GSE1: variants seen among roughly 807,000 people sequenced by gnomAD.
The protein encoded by GSE1 is genetic suppressor element 1.
A neutral mutation model predicts 112.6 loss-of-function variants in GSE1; 32 were observed. The ratio of observed to expected loss-of-function variants is 0.28; its 90% CI spans 0.21 to 0.38. GSE1 has a LOEUF of 0.38. GSE1 is among the 10% of genes least tolerant of loss of function. The pLI is 1.00. For synonymous variants in GSE1, 1,115 were observed against 735.6 expected (o/e 1.52, Z -8.35); for missense variants, 2,348 against 1,699.2 (o/e 1.38, Z -6.71).
At chr16:85,542,396 G>T (rs2044551553) in intron 2 of GSE1, among the ~76,000 whole-genome samples, 1 of 152,214 alleles carries the variant, frequency 6.6e-6, no homozygotes, top group Non-Finnish European at 1.5e-5. Flanking sequence ...GAGACTGAAG[G>T]CCAGAGCCAC....
intron 2 of GSE1, among the ~76,000 whole-genome samples, chr16:85,424,075 C>T (rs529656570): frequency 6.6e-6 from 1 of 152,370 alleles, no homozygotes; most frequent in Admixed American, 6.5e-5. Flanking sequence ...CCTCAGGATG[C>T]TCTTTGGAGC....
chr16:85,558,228 T>G (rs1470636744), intron 1 of GSE1, among the ~76,000 whole-genome samples: 1 of 152,226 alleles, frequency 6.6e-6, no homozygotes, highest in Non-Finnish European at 1.5e-5. Flanking sequence ...AAACAGATCC[T>G]CATGCTGTAT....
chr16:85,418,009 T>A (rs1171802572), intron 2 of GSE1, among the ~76,000 whole-genome samples: 1 of 152,148 alleles, frequency 6.6e-6, no homozygotes, highest in African/African-American at 2.4e-5. Flanking sequence ...CAGCTAATTT[T>A]TGTATTTTTA....
chr16:85,444,943 C>T (rs2049471892), intron 2 of GSE1, among the ~76,000 whole-genome samples: 1 of 152,226 alleles, frequency 6.6e-6, no homozygotes, highest in African/African-American at 2.4e-5. Flanking sequence ...CCCCACTGCC[C>T]ACGTTGTCAC....
Position 85,181,473 on chromosome 16 carries a change from G to C in GSE1, c.2283+9666G>C, listed in dbSNP as rs9319459. Among the ~76,000 whole-genome samples, 1,162 of 152,316 alleles carry C rather than the reference G, an allele frequency of 7.6e-3. 12 individuals carry two copies. The highest frequency in any genetic ancestry group is 0.027 in the African/African-American group (1,106 of 41,554). ...TTCTGGGAGGCGATGCAGCCCTGGT[G>C]GGGGCCTGGCTTCCACACGGCCCTG... On this transcript the variant is annotated intron_variant, in intron 1 of 2. Transcript: ENST00000637419.
intron 2 of GSE1, among the ~76,000 whole-genome samples, chr16:85,550,160 C>T (rs575877019): frequency 6.6e-6 from 1 of 152,130 alleles, no homozygotes; most frequent in East Asian, 1.9e-4. Flanking sequence ...AATGTCACTG[C>T]CCGAGGGCAC....
intron 2 of GSE1, among the ~76,000 whole-genome samples, chr16:85,400,917 G>A (rs1198000037): frequency 3.3e-5 from 5 of 152,130 alleles, no homozygotes; most frequent in Admixed American, 6.6e-5. Context: ...GTGTGTGTGC[G>A]GAAGGGGTCA....
chr16:85,170,442 C>T (rs920030451), exon 1 of GSE1: 59 of 985,444 alleles, frequency 6.0e-5, no homozygotes, highest in Non-Finnish European at 6.9e-5. Flanking sequence ...CCCTGGAGAG[C>T]AGGCCGCTGG....
intron 1 of GSE1, among the ~76,000 whole-genome samples, chr16:85,321,577 A>G (rs531878454): frequency 1.3e-5 from 2 of 152,080 alleles, no homozygotes; most frequent in Non-Finnish European, 2.9e-5. Context: ...TTGAAGTGGC[A>G]GTGAGCCACG....
chr16:85,524,703 T>C (rs774158022), intron 2 of GSE1, among the ~76,000 whole-genome samples: 3 of 152,110 alleles, frequency 2.0e-5, no homozygotes, highest in Non-Finnish European at 4.4e-5. Flanking sequence ...GCCAGGCCTG[T>C]AATCACGAGG....
At chr16:85,525,379 G>A (rs1282060621) in intron 2 of GSE1, among the ~76,000 whole-genome samples, 2 of 152,224 alleles carry the variant, frequency 1.3e-5, no homozygotes. Flanking sequence ...CTGTGGGAGA[G>A]CAGCTGTCGG....
At chr16:85,230,796 G>A (rs553538938) in intron 1 of GSE1, among the ~76,000 whole-genome samples, 16 of 152,182 alleles carry the variant, frequency 1.1e-4, no homozygotes, top group Non-Finnish European at 2.2e-4. Context: ...AGATAAAATG[G>A]AAAAGTTCCT....
At chr16:85,304,931 C>T (rs1567676025) in intron 1 of GSE1, among the ~76,000 whole-genome samples, 1 of 152,218 alleles carries the variant, frequency 6.6e-6, no homozygotes, top group African/African-American at 2.4e-5. Flanking sequence ...CACTGAGTGA[C>T]CCCTGCTTCC....
At chr16:85,243,730 G>A (rs966917850) in intron 1 of GSE1, among the ~76,000 whole-genome samples, 4 of 152,238 alleles carry the variant, frequency 2.6e-5, no homozygotes, top group African/African-American at 9.6e-5. Flanking sequence ...GTGTGGACGC[G>A]TGGCAGATTT....
In GSE1 at chr16:85,452,369, G is replaced by T. The variant is rs573645848; in HGVS notation, c.2464+94726G>T. On this transcript the variant is annotated intron_variant, in intron 2 of 2. Transcript: ENST00000637419. ...TGCTGAGCCTGTGTGTTCCCACTCT[G>T]GCCCCCACCTCTCCCTCTGTCTGGC... is the stretch of plus-strand genomic sequence containing the variant. 1.6e-3 allele frequency among the ~76,000 whole-genome samples: 249 copies of T among 152,244 alleles called. 1 individual carries two copies. Among genetic ancestry groups the T allele is most frequent in the Non-Finnish European group, 3.0e-3 (204 of 68,012 alleles).
intron 1 of GSE1, among the ~76,000 whole-genome samples, chr16:85,347,673 T>C (rs999664): frequency 1.3e-5 from 2 of 148,962 alleles, no homozygotes; most frequent in African/African-American, 4.9e-5. Context: ...GGACACACAG[T>C]TCCTGCCTCA....
intron 2 of GSE1, among the ~76,000 whole-genome samples, chr16:85,418,141 G>T (rs143521820): frequency 6.6e-4 from 100 of 152,372 alleles, no homozygotes; most frequent in African/African-American, 2.1e-3. Flanking sequence ...CTGGCTGGAG[G>T]CTGCATTTCT....
At chr16:85,592,479 C>G (rs1289673857) in intron 1 of GSE1, 1 of 152,200 alleles carries the variant, frequency 6.6e-6, no homozygotes, top group South Asian at 2.1e-4. Context: ...GACGCTGTTT[C>G]CAAGTCACAG....
At chr16:85,544,740 G>A (rs927880803) in intron 2 of GSE1, among the ~76,000 whole-genome samples, 2 of 152,250 alleles carry the variant, frequency 1.3e-5, no homozygotes, top group African/African-American at 4.8e-5. Flanking sequence ...GTGACTTCTT[G>A]TCCAGCAGAC....
Sources: allele counts gnomAD v4.1 joint callset (sites outside exome capture counted in the v4.1 genomes callset), GRCh38; gene constraint gnomAD v4.1.1; transcripts MANE v1.5; gene names NCBI Gene and HGNC (gene_info 2026-07-23, HGNC 2026-07-21).